Variants in TTC21A observed in about 807,000 individuals in gnomAD.
TTC21A encodes tetratricopeptide repeat protein 21A.
In TTC21A, 128 loss-of-function variants were observed where a neutral mutation model predicts 156.4. The observed-to-expected ratio is 0.82, with a 90% CI of 0.71 to 0.95. TTC21A has a LOEUF of 0.95. Among genes scored for constraint, TTC21A ranks in the 40% least tolerant of loss-of-function variants. TTC21A has a pLI of 0.00. For synonymous variants in TTC21A, 587 were observed against 617.1 expected, an observed-to-expected ratio of 0.95 and a Z score of 0.72; for missense variants, 1,435 against 1,602.3, an observed-to-expected ratio of 0.90 and a Z score of 1.78.
intron 1 of TTC21A, 89 bp downstream of exon 1, chr3:39,107,953 C>G: frequency 6.7e-7 from 1 of 1,502,318 alleles, no homozygotes; most frequent in Non-Finnish European, 9.2e-7. Context: ...TCCTGCCACC[C>G]TTCGCTGTCC....
Position 39,130,300 on chromosome 3 carries a change from AC to A in TTC21A, c.2262del (p.Asp754GlufsTer13). Reference protein sequence around the residue: ...YDEAYRQNPHDASLASRIGHA... With the variant: ...YDEAYRQNPHXASLASRIGHA... ...GAGGCCTATAGACAGAACCCACATG[AC>A]GCCTCCCTGGCCAGCAGAATTGGGC... On this transcript the variant is annotated frameshift_variant, in exon 17 of 29. Transcript: ENST00000683103. LOFTEE classifies it high-confidence loss of function. This position sits in a 1 kb window ranked among gnomAD's most constrained non-coding sequence, Gnocchi z 4.5. 6.2e-7 allele frequency: 1 copy of A among 1,613,920 alleles called. No individual in the cohort carries two copies. The highest frequency in any genetic ancestry group is 8.5e-7 in the Non-Finnish European group (1 of 1,179,950).
Position 39,130,828 on chromosome 3 carries a change from A to G in TTC21A, c.2447A>G (p.Glu816Gly), listed in dbSNP as rs2038672807. ...GAAAAAGTTTTGAAGCAGGCACTGG[A>G]ACATGACATTGGTGAGGCAGCATTG... Reference protein sequence around the residue: ...KAEKVLKQALEHDIVQDIPSM... With the variant: ...KAEKVLKQALGHDIVQDIPSM... The change falls in exon 18 of 29, where the codon GAA (glutamate) becomes GGA (glycine). Residue 816 changes from glutamate (E) to glycine (G), a missense_variant. Coordinates refer to ENST00000683103, the MANE Select transcript of TTC21A (RefSeq NM_001366900.1). The surrounding 1 kb of genome is among the most constrained non-coding windows in gnomAD (Gnocchi z 4.5). The G allele has an allele frequency of 1.2e-6, 2 of 1,614,226 alleles. No individual in the cohort carries two copies. Among genetic ancestry groups the G allele is most frequent in the Non-Finnish European group, 1.7e-6 (2 of 1,180,040 alleles).
chr3:39,118,993 G>A (rs2037518415), intron 7 of TTC21A: 1 of 152,098 alleles, frequency 6.6e-6, no homozygotes, highest in African/African-American at 2.4e-5. Context: ...TCTCTGGGTA[G>A]GAATAAGAGA....
intron 9 of TTC21A, among the ~76,000 whole-genome samples, chr3:39,124,127 CCA>C (rs1491281051): frequency 2.0e-5 from 3 of 152,172 alleles, no homozygotes; most frequent in Non-Finnish European, 4.4e-5. Flanking sequence ...GCTCTATGAC[CCA>C]TCAGCTCTCC....
chr3:39,134,976 C>T lies in TTC21A; in HGVS notation c.2863-117C>T. On this transcript the variant is annotated intron_variant, in intron 21 of 28. Coordinates refer to ENST00000683103, the MANE Select transcript of TTC21A (RefSeq NM_001366900.1). This position sits in a 1 kb window ranked among gnomAD's most constrained non-coding sequence, Gnocchi z 4.6. ...CACAAGGCCTAGGGAGGCTGCCTTG[C>T]AAGTCCTTTTCTACCTTCCCTTCTT... is the stretch of plus-strand genomic sequence containing the variant. The T allele has an allele frequency of 1.1e-6, 1 of 903,430 alleles. No individual in the cohort carries two copies. The highest frequency in any genetic ancestry group is 1.4e-5 in the South Asian group (1 of 71,538). The allele number at this position is 903,430 out of a possible 1,614,324, so 56.0% of individuals were successfully genotyped here. A position where few individuals can be genotyped will look rare whatever the true frequency, so the allele number is the denominator to read the frequency against.
chr3:39,122,591 C>T (rs999883120), intron 9 of TTC21A, among the ~76,000 whole-genome samples: 3 of 152,014 alleles, frequency 2.0e-5, no homozygotes, highest in African/African-American at 4.8e-5. Context: ...GCAGTGAGAG[C>T]GATAATAGGA....
intron 3 of TTC21A, 119 bp downstream of exon 3, chr3:39,110,258 A>T (rs2036697459): frequency 2.6e-6 from 2 of 774,662 alleles, no homozygotes; most frequent in Non-Finnish European, 4.4e-6. Context: ...GGCTGTGCAG[A>T]TGCTGTTAAC....
In TTC21A at chr3:39,117,960, A is replaced by G; in HGVS notation, c.717-109A>G. On this transcript the variant is annotated intron_variant, in intron 6 of 28. Transcript: ENST00000683103. ...GGCTAATTTGGGAGTTCTATTATTA[A>G]AAGAAGAGGGGAGAATGGATATTCA... The G allele has an allele frequency of 5.1e-6, 4 of 790,436 alleles. No individual in the cohort carries two copies. In the South Asian group the frequency reaches 6.0e-5, roughly 12 times the overall value. The allele number at this position is 790,436 out of a possible 1,614,324, so 49.0% of individuals were successfully genotyped here.
At position 39,130,256 on chromosome 3, in the gene TTC21A, G is replaced by A. The variant is rs775015995; in HGVS notation, c.2217G>A (p.Lys739=). The A allele has an allele frequency of 6.8e-6, 11 of 1,613,436 alleles. No homozygotes were observed. The African/African-American group carries it at 1.5e-4, about 22-fold the overall frequency. The part of the protein sequence containing the change: ...DALMSILEPE[K]ALEVYDEAYR... Reference sequence around the variant, plus strand: ...GACACTTTCCCCACCAGCCCGAGAAGGCCCTGGAGGTCTATGATGAGGCCT... The same window carrying A: ...GACACTTTCCCCACCAGCCCGAGAAAGCCCTGGAGGTCTATGATGAGGCCT... Residue 739 remains lysine, a synonymous_variant, in exon 17 of 29, where the codon AAG becomes AAA. Transcript: ENST00000683103. The surrounding 1 kb of genome is among the most constrained non-coding windows in gnomAD (Gnocchi z 4.5).
At position 39,128,736 on chromosome 3, in the gene TTC21A, A is replaced by G. The variant is rs1443774707; in HGVS notation, c.1700A>G (p.Tyr567Cys). The G allele has an allele frequency of 3.7e-6, 6 of 1,614,054 alleles. No homozygotes were observed. The highest frequency in any genetic ancestry group is 5.1e-6 in the Non-Finnish European group (6 of 1,179,994). The change falls in exon 14 of 29, where the codon TAC becomes TGC. Residue 567 changes from tyrosine to cysteine, a missense_variant. Transcript: ENST00000683103. ...HNFQVRDHPL[Y>C]HLIKARALNK... ...TCCTAGGTCCGAGATCACCCCCTCT[A>G]CCACCTCATCAAGGCCAGGGCCCTC...
intron 9 of TTC21A, among the ~76,000 whole-genome samples, chr3:39,121,816 C>T (rs961774217): frequency 1.3e-5 from 2 of 152,050 alleles, no homozygotes; most frequent in Non-Finnish European, 1.5e-5. Context: ...CAAGGCAGGC[C>T]GACTCTTGCC....
At chr3:39,125,770 A>G (rs1179691520) in intron 11 of TTC21A, among the ~76,000 whole-genome samples, 1 of 152,180 alleles carries the variant, frequency 6.6e-6, no homozygotes, top group East Asian at 1.9e-4. Context: ...TGCATCTCTA[A>G]CAGGCTCCCA....
In TTC21A at chr3:39,110,080, A is replaced by T. The variant is rs1429375738; in HGVS notation, c.209A>T (p.Asp70Val). Reference protein sequence around the residue: ...SDLESIRHHPDVSLCSTMALI... With the variant: ...SDLESIRHHPVVSLCSTMALI... ...CTGGAAAGCATCAGGCATCACCCAG[A>T]CGTGTCCCTGTGCTCCACCATGGCC... The change falls in exon 3 of 29, where the codon GAC becomes GTC. Residue 70 changes from aspartate (D) to valine (V), a missense_variant. Coordinates refer to ENST00000683103, the MANE Select transcript of TTC21A (RefSeq NM_001366900.1). 6.2e-7 allele frequency: 1 copy of T among 1,614,156 alleles called. No homozygotes were observed. The highest frequency in any genetic ancestry group is 8.5e-7 in the Non-Finnish European group (1 of 1,180,028).
In TTC21A at chr3:39,135,102, G is replaced by T; in HGVS notation, c.2872G>T (p.Asp958Tyr). The T allele has an allele frequency of 6.2e-7, 1 of 1,613,746 alleles. No individual in the cohort carries two copies. The highest frequency in any genetic ancestry group is 8.5e-7 in the Non-Finnish European group (1 of 1,179,960). The change falls in exon 22 of 29, where the codon GAC becomes TAC. Residue 958 changes from aspartate to tyrosine, a missense_variant. Physicochemically the swap from Asp to Tyr is radical, Grantham distance 160. Coordinates refer to ENST00000683103, the MANE Select transcript of TTC21A (RefSeq NM_001366900.1). ...NHETASVLMA[D>Y]LMFRKQKHEA... The stretch of plus-strand genomic sequence containing the variant: ...GTGTGTTTTCTGATAGTTGATGGCT[G>T]ACCTGATGTTTAGAAAACAGAAACA...
chr3:39,109,688 G>A (rs1296434917), intron 2 of TTC21A, among the ~76,000 whole-genome samples: 5 of 152,194 alleles, frequency 3.3e-5, no homozygotes, highest in Non-Finnish European at 7.4e-5. Context: ...GGACATGGAG[G>A]GATAAATGTA....
chr3:39,132,827 T>C lies in TTC21A; in HGVS notation c.2563-225T>C, dbSNP rs991501496. On this transcript the variant is annotated intron_variant, in intron 19 of 28. Transcript: ENST00000683103. Reference sequence around the variant, plus strand: ...TAAACAGGCTAAGTACAAAAGCGTGTTTTGTTTGAGTCCTTTGCTTCTGCT... The same window carrying C: ...TAAACAGGCTAAGTACAAAAGCGTGCTTTGTTTGAGTCCTTTGCTTCTGCT... 9.4e-5 allele frequency: 55 copies of C among 586,006 alleles called. 1 individual carries two copies. The highest frequency in any genetic ancestry group is 1.6e-4 in the Non-Finnish European group (52 of 330,202). 36.3% of individuals were successfully genotyped at this position (586,006 alleles called of 1,614,324 possible). A position where few individuals can be genotyped will look rare whatever the true frequency, so the allele number is the denominator to read the frequency against.
rs569116671 is a variant in TTC21A at position 39,115,677 on chromosome 3, A to C, written c.716+935A>C. Among the ~76,000 whole-genome samples the C allele has an allele frequency of 9.9e-5, 15 of 152,260 alleles. No homozygotes were observed. The South Asian group carries it at 2.9e-3, about 29-fold the overall frequency. On this transcript the variant is annotated intron_variant, in intron 6 of 28. Transcript: ENST00000683103. ...ATGAGACCCTGTCTCGAAAAAAATA[A>C]ATAAATAAAACAAAATAAAAATAAA...
rs2038645021 is a variant in TTC21A at position 39,130,532 on chromosome 3, A to T, written c.2320-169A>T. 1.0e-6 allele frequency: 1 copy of T among 1,001,614 alleles called. No individual in the cohort carries two copies. Among genetic ancestry groups the T allele is most frequent in the Admixed American group, 2.2e-5 (1 of 44,508 alleles). 62.0% of individuals were successfully genotyped at this position (1,001,614 alleles called of 1,614,324 possible). A position where few individuals can be genotyped will look rare whatever the true frequency, so the allele number is the denominator to read the frequency against. ...TCAGCAACTCTCTGCTGCTGACCAC[A>T]CCTGCTTAAGCTGAGGGTTACACCC... On this transcript the variant is annotated intron_variant, in intron 17 of 28. Coordinates refer to ENST00000683103, the MANE Select transcript of TTC21A (RefSeq NM_001366900.1). The surrounding 1 kb of genome is among the most constrained non-coding windows in gnomAD (Gnocchi z 4.5).
At position 39,130,947 on chromosome 3, in the gene TTC21A, C is replaced by G. The variant is rs1221762483; in HGVS notation, c.2459-45C>G. The G allele has an allele frequency of 6.2e-7, 1 of 1,608,074 alleles. No homozygotes were observed. Among genetic ancestry groups the G allele is most frequent in the Non-Finnish European group, 8.5e-7 (1 of 1,175,702 alleles). The stretch of plus-strand genomic sequence containing the variant: ...CAGCGCTCCCCACCAACACAGCTTC[C>G]CAGGAGCCAGTGAACTAACACTAAT... On this transcript the variant is annotated intron_variant, in intron 18 of 28. Coordinates refer to ENST00000683103, the MANE Select transcript of TTC21A (RefSeq NM_001366900.1). This position sits in a 1 kb window ranked among gnomAD's most constrained non-coding sequence, Gnocchi z 4.5.
Sources: gnomAD v4.1 joint callset for allele counts (sites outside exome capture counted in the v4.1 genomes callset) on GRCh38, gnomAD v4.1.1 for gene constraint, Gnocchi (gnomAD v3.1) non-coding constraint, MANE v1.5 for transcripts, NCBI Gene and HGNC (gene_info 2026-07-23, HGNC 2026-07-21) for gene names.